SNX13: variants seen among roughly 807,000 people sequenced by gnomAD.
SNX13 encodes the protein sorting nexin 13.
SNX13 carries 45 observed loss-of-function variants against 133.6 expected under a neutral mutation model. The ratio of observed to expected loss-of-function variants is 0.34; its 90% confidence interval spans 0.27 to 0.43. The LOEUF is 0.43. Ranked by LOEUF, SNX13 falls within the 20% of genes least tolerant of loss-of-function variation. The pLI is 1.00. For missense variants in SNX13, 1,032 were observed against 1,145.1 expected (o/e 0.90, Z 1.43); for synonymous variants, 414 against 373.9 (o/e 1.11, Z -1.24).
At chr7:17,828,963 TTTTAG>T (rs1318701349) in intron 16 of SNX13, among the ~76,000 whole-genome samples, 3 of 151,608 alleles carry the variant, frequency 2.0e-5, no homozygotes, top group African/African-American at 7.2e-5. Context: ...GAGCAATTCC[TTTTAG>T]TTTAAAGCTC....
intron 1 of SNX13, among the ~76,000 whole-genome samples, chr7:17,932,642 G>T (rs920931531): frequency 1.3e-5 from 2 of 152,156 alleles, no homozygotes; most frequent in Non-Finnish European, 2.9e-5. Flanking sequence ...GGAAAAACAT[G>T]TAACAAGCAA....
intron 1 of SNX13, among the ~76,000 whole-genome samples, chr7:17,922,056 T>C (rs1800183484): frequency 1.3e-5 from 2 of 152,206 alleles, no homozygotes; most frequent in Admixed American, 1.3e-4. Context: ...CACTTTCCTA[T>C]CTAGATTGGA....
chr7:17,800,813 G>C (rs1784528524), intron 22 of SNX13, among the ~76,000 whole-genome samples: 1 of 151,182 alleles, frequency 6.6e-6, no homozygotes, highest in African/African-American at 2.4e-5. Context: ...ATATAAAAAG[G>C]TGTGTAACAT....
chr7:17,926,393 T>C (rs1436020126), intron 1 of SNX13, among the ~76,000 whole-genome samples: 4 of 152,122 alleles, frequency 2.6e-5, no homozygotes, highest in African/African-American at 9.7e-5. Context: ...TTGTACTATC[T>C]AGGGCTGGGA....
At position 17,793,958 on chromosome 7, in the gene SNX13, C is replaced by T; in HGVS notation, c.*87G>A. 1.4e-6 allele frequency: 2 copies of T among 1,415,026 alleles called. No individual in the cohort carries two copies. Among genetic ancestry groups the T allele is most frequent in the Non-Finnish European group, 9.6e-7 (1 of 1,038,520 alleles). The allele number at this position is 1,415,026 out of a possible 1,614,324, so 87.7% of individuals were successfully genotyped here. A position where few individuals can be genotyped will look rare whatever the true frequency, so the allele number is the denominator to read the frequency against. On this transcript the variant is annotated 3_prime_UTR_variant, in exon 26 of 26. Transcript: ENST00000428135. The stretch of plus-strand genomic sequence containing the variant: ...TGAGACACTAAAAGACTGGTGCAGA[C>T]ACAACAGTATTTGAGTTAAGCCCCA...
intron 5 of SNX13, among the ~76,000 whole-genome samples, chr7:17,883,754 C>G (rs558697758): frequency 8.5e-5 from 13 of 152,082 alleles, no homozygotes; most frequent in Admixed American, 8.5e-4. Context: ...ATGTTCCCCT[C>G]CCTGTGTCCA....
At chr7:17,819,036 T>C (rs1008821281) in intron 18 of SNX13, among the ~76,000 whole-genome samples, 17 of 152,284 alleles carry the variant, frequency 1.1e-4, no homozygotes, top group African/African-American at 3.6e-4. Context: ...CATATGTTGC[T>C]AGCATCAAGA....
chr7:17,902,774 G>C (rs1797974938), intron 1 of SNX13, among the ~76,000 whole-genome samples: 1 of 152,098 alleles, frequency 6.6e-6, no homozygotes, highest in Admixed American at 6.5e-5. Flanking sequence ...AGACCATTAG[G>C]AACTGGGCCG....
At chr7:17,837,170 C>G (rs1192316187) in intron 13 of SNX13, among the ~76,000 whole-genome samples, 1 of 151,948 alleles carries the variant, frequency 6.6e-6, no homozygotes, top group Admixed American at 6.6e-5. Flanking sequence ...GAATATTGCT[C>G]TGTTACCCAG....
chr7:17,893,907 G>T (rs976663423), intron 2 of SNX13, among the ~76,000 whole-genome samples: 1 of 150,740 alleles, frequency 6.6e-6, no homozygotes, highest in African/African-American at 2.4e-5. Flanking sequence ...GGGAGGCAGA[G>T]ATTGCAGTGA....
chr7:17,893,481 T>C lies in SNX13; in HGVS notation c.126-47A>G, dbSNP rs781419640. On this transcript the variant is annotated intron_variant, in intron 2 of 25. Coordinates refer to ENST00000428135, the MANE Select transcript of SNX13 (RefSeq NM_015132.5). ...CAAATATAAAAACAAAATTTCCTTATAATTTAATGAATCTACTACCAAGTA... is the reference window on the plus strand; with the variant it reads ...CAAATATAAAAACAAAATTTCCTTACAATTTAATGAATCTACTACCAAGTA... 2.1e-5 allele frequency: 25 copies of C among 1,174,978 alleles called. No individual in the cohort carries two copies. The African/African-American group carries it at 2.3e-4, about 11-fold the overall frequency. The allele number at this position is 1,174,978 out of a possible 1,614,324, so 72.8% of individuals were successfully genotyped here.
chr7:17,861,342 T>TCTCACACACACA (rs1385021153), intron 9 of SNX13, among the ~76,000 whole-genome samples: 11 of 143,242 alleles, frequency 7.7e-5, no homozygotes, highest in Admixed American at 7.7e-4. Flanking sequence ...TACAGTTATC[T>TCTCACACACACA]CACACACACA....
At chr7:17,868,557 A>G in intron 8 of SNX13, 67 bp from the exon 9 acceptor site, 1 of 1,203,404 alleles carries the variant, frequency 8.3e-7, no homozygotes, top group Non-Finnish European at 1.2e-6. Flanking sequence ...TAATGTAAAT[A>G]TTCTAACACA....
At chr7:17,912,289 T>C (rs570593323) in intron 1 of SNX13, among the ~76,000 whole-genome samples, 3 of 152,044 alleles carry the variant, frequency 2.0e-5, no homozygotes, top group Non-Finnish European at 4.4e-5. Context: ...ACCCAGGCCA[T>C]GGGAGAGCGC....
At chr7:17,905,739 G>T (rs1181079798) in intron 1 of SNX13, among the ~76,000 whole-genome samples, 1 of 152,174 alleles carries the variant, frequency 6.6e-6, no homozygotes, top group African/African-American at 2.4e-5. Context: ...TGATTCAACA[G>T]GAGAATATAA....
At chr7:17,815,456 G>A (rs1476489729) in intron 19 of SNX13, among the ~76,000 whole-genome samples, 1 of 152,106 alleles carries the variant, frequency 6.6e-6, no homozygotes, top group African/African-American at 2.4e-5. Flanking sequence ...ACAGTGGCAT[G>A]CACCTGTAGT....
rs548942760 is a variant in SNX13, at chr7:17,832,195, A to G, written c.1597+1857T>C. On this transcript the variant is annotated intron_variant, in intron 15 of 25. Transcript: ENST00000428135. Reference sequence around the variant, plus strand: ...GTTCCAAAAAAAAATTTTTTAATGTACTTCGTGTTTTAAAAAAGTACAGTG... The same window carrying G: ...GTTCCAAAAAAAAATTTTTTAATGTGCTTCGTGTTTTAAAAAAGTACAGTG... The G allele has an allele frequency of 1.5e-4, 146 of 984,498 alleles. 2 individuals are homozygous for G. The South Asian group carries it at 3.8e-3, about 25-fold the overall frequency. 61.0% of individuals were successfully genotyped at this position (984,498 alleles called of 1,614,324 possible). A position where few individuals can be genotyped will look rare whatever the true frequency, so the allele number is the denominator to read the frequency against.
intron 1 of SNX13, among the ~76,000 whole-genome samples, chr7:17,935,614 TTAAAA>T (rs1801926527): frequency 6.6e-6 from 1 of 152,178 alleles, no homozygotes; most frequent in Non-Finnish European, 1.5e-5. Flanking sequence ...TGACTGTCAA[TTAAAA>T]TAATATTTAA....
At chr7:17,939,549 T>A (rs148706635) in intron 1 of SNX13, among the ~76,000 whole-genome samples, 6 of 152,350 alleles carry the variant, frequency 3.9e-5, no homozygotes, top group African/African-American at 1.4e-4. Flanking sequence ...GCAATGCCCA[T>A]TAGGCACTAG....
Sources: gnomAD v4.1 joint callset for allele counts (sites outside exome capture counted in the v4.1 genomes callset) on GRCh38, gnomAD v4.1.1 for gene constraint, MANE v1.5 for transcripts, NCBI Gene and HGNC (gene_info 2026-07-23, HGNC 2026-07-21) for gene names.